The following SORCS3 variants were observed in gnomAD, a reference collection of about 807,000 sequenced individuals.
SORCS3 encodes the protein sortilin related VPS10 domain containing receptor 3.
In SORCS3, 57 loss-of-function variants were observed where a neutral mutation model predicts 146.3. That is an observed-to-expected ratio of 0.39 (90% CI 0.31 to 0.49). SORCS3 has a LOEUF of 0.49. SORCS3 is among the 20% of genes least tolerant of loss of function. The pLI, the probability that SORCS3 is intolerant of heterozygous loss-of-function variation, is 0.92. For synonymous variants in SORCS3, 653 were observed against 618.5 expected (o/e 1.06, Z -0.83); for missense variants, 1,341 against 1,575.5 (o/e 0.85, Z 2.52).
At chr10:104,985,903 C>T (rs1379246511) in intron 4 of SORCS3, among the ~76,000 whole-genome samples, 2 of 152,220 alleles carry the variant, frequency 1.3e-5, no homozygotes, top group East Asian at 3.9e-4. Flanking sequence ...TTTGCTGGTC[C>T]ATTTATAGAG....
chr10:104,828,736 C>G (rs1326596394), intron 1 of SORCS3, among the ~76,000 whole-genome samples: 1 of 152,144 alleles, frequency 6.6e-6, no homozygotes, highest in Non-Finnish European at 1.5e-5. Context: ...GTACCTTTGT[C>G]TTCTCTAGTG....
intron 2 of SORCS3, among the ~76,000 whole-genome samples, chr10:104,908,400 G>A (rs1475454593): frequency 6.6e-6 from 1 of 152,206 alleles, no homozygotes; most frequent in Non-Finnish European, 1.5e-5. Flanking sequence ...AATACAATCA[G>A]GGGTATTCAT....
chr10:104,995,941 G>C (rs2055024359), intron 4 of SORCS3, among the ~76,000 whole-genome samples: 1 of 152,194 alleles, frequency 6.6e-6, no homozygotes, highest in Non-Finnish European at 1.5e-5. Flanking sequence ...TATAGTGCAA[G>C]ATATAGATCA....
intron 5 of SORCS3, among the ~76,000 whole-genome samples, chr10:105,049,873 G>A (rs2055398960): frequency 6.6e-6 from 1 of 151,944 alleles, no homozygotes; most frequent in Non-Finnish European, 1.5e-5. Flanking sequence ...TTACTACCTG[G>A]GTTACAGGTT....
At chr10:104,816,088 A>G (rs551075963) in intron 1 of SORCS3, among the ~76,000 whole-genome samples, 109 of 152,206 alleles carry the variant, frequency 7.2e-4, no homozygotes, top group Non-Finnish European at 1.5e-3. Context: ...TCCATGGAAT[A>G]TAAGAGTATA....
chr10:104,779,303 C>T (rs925181529), intron 1 of SORCS3, among the ~76,000 whole-genome samples: 5 of 152,126 alleles, frequency 3.3e-5, no homozygotes. Flanking sequence ...TTGTAGCAGC[C>T]GTAGGAAAGG....
intron 1 of SORCS3, among the ~76,000 whole-genome samples, chr10:104,653,946 C>T (rs560701755): frequency 6.6e-6 from 1 of 152,194 alleles, no homozygotes; most frequent in African/African-American, 2.4e-5. Context: ...CCCACCTCCC[C>T]CTCTCCCCCA....
intron 4 of SORCS3, among the ~76,000 whole-genome samples, chr10:105,029,494 C>T (rs2055250572): frequency 6.6e-6 from 1 of 152,188 alleles, no homozygotes; most frequent in South Asian, 2.1e-4. Context: ...GAAATACAGT[C>T]CAGCTGTTAC....
intron 4 of SORCS3, among the ~76,000 whole-genome samples, chr10:105,019,303 C>A (rs554142280): frequency 1.3e-5 from 2 of 152,146 alleles, no homozygotes; most frequent in Non-Finnish European, 2.9e-5. Context: ...TACTCTATAT[C>A]GTATAGTATG....
chr10:105,223,997 T>C (rs2056719542), intron 20 of SORCS3, among the ~76,000 whole-genome samples: 1 of 152,228 alleles, frequency 6.6e-6, no homozygotes, highest in South Asian at 2.1e-4. Context: ...ATATATCCCC[T>C]GCTTCCACAC....
At chr10:104,950,324 A>G (rs1225570320) in intron 3 of SORCS3, among the ~76,000 whole-genome samples, 1 of 152,222 alleles carries the variant, frequency 6.6e-6, no homozygotes, top group African/African-American at 2.4e-5. Flanking sequence ...GAAAGGTTGG[A>G]TGCTAGTTCC....
At chr10:104,855,107 G>C (rs1444406149) in intron 2 of SORCS3, among the ~76,000 whole-genome samples, 1 of 152,124 alleles carries the variant, frequency 6.6e-6, no homozygotes, top group Admixed American at 6.6e-5. Flanking sequence ...TCCTTGAATT[G>C]CTTTTGCCCC....
intron 1 of SORCS3, among the ~76,000 whole-genome samples, chr10:104,812,290 A>G (rs1342274803): frequency 1.3e-5 from 2 of 152,188 alleles, no homozygotes; most frequent in Non-Finnish European, 2.9e-5. Context: ...CTAAAATGTC[A>G]GAGTAAGGAC....
At chr10:105,144,100 T>C (rs1311787081) in intron 8 of SORCS3, among the ~76,000 whole-genome samples, 1 of 152,210 alleles carries the variant, frequency 6.6e-6, no homozygotes, top group East Asian at 1.9e-4. Context: ...AATTTTGTGC[T>C]ATTCTTTGGG....
At chr10:105,187,429 C>T (rs1441750089) in intron 14 of SORCS3, among the ~76,000 whole-genome samples, 1 of 152,206 alleles carries the variant, frequency 6.6e-6, no homozygotes, top group African/African-American at 2.4e-5. Flanking sequence ...ATCCCATCTA[C>T]ATCCTAATGG....
chr10:105,224,322 A>C (rs561957894), intron 20 of SORCS3, among the ~76,000 whole-genome samples: 1 of 152,294 alleles, frequency 6.6e-6, no homozygotes, highest in African/African-American at 2.4e-5. Flanking sequence ...AATGTCATAT[A>C]GTTGGAATCA....
intron 20 of SORCS3, among the ~76,000 whole-genome samples, chr10:105,240,767 G>A (rs914020077): frequency 6.6e-6 from 1 of 151,810 alleles, no homozygotes; most frequent in Non-Finnish European, 1.5e-5. Flanking sequence ...CTTCCTGAAA[G>A]TCCTCTCATG....
chr10:104,754,284 A>C (rs1313242812), intron 1 of SORCS3, among the ~76,000 whole-genome samples: 1 of 152,064 alleles, frequency 6.6e-6, no homozygotes, highest in East Asian at 1.9e-4. Flanking sequence ...CTACATCAAA[A>C]TCATCCGGGG....
intron 2 of SORCS3, among the ~76,000 whole-genome samples, chr10:104,911,971 C>T (rs939049594): frequency 6.6e-6 from 1 of 152,190 alleles, no homozygotes; most frequent in Admixed American, 6.5e-5. Flanking sequence ...GAATTACCCT[C>T]CCCTGTTAGC....
Sources: gnomAD v4.1 joint callset for allele counts (sites outside exome capture counted in the v4.1 genomes callset) on GRCh38, gnomAD v4.1.1 for gene constraint, MANE v1.5 for transcripts, NCBI Gene and HGNC (gene_info 2026-07-23, HGNC 2026-07-21) for gene names.